The following HPSE2 variants were observed in gnomAD, a reference collection of about 807,000 sequenced individuals.
HPSE2 encodes the protein heparanase 2 (inactive).
HPSE2 carries 38 observed loss-of-function variants against 60.5 expected under a neutral mutation model. The ratio of observed to expected loss-of-function variants is 0.63; its 90% confidence interval spans 0.48 to 0.82. The LOEUF is 0.82. Ranked by LOEUF, HPSE2 falls within the 40% of genes least tolerant of loss-of-function variation. The probability of loss-of-function intolerance (pLI) is 0.00; values close to 1 mark genes in which losing one functional copy is unlikely to be tolerated. For missense variants in HPSE2, 713 were observed against 740.4 expected (o/e 0.96, Z 0.43); for synonymous variants, 295 against 293.2 (o/e 1.01, Z -0.06).
At chr10:98,738,700 A>G (rs1436061219) in intron 4 of HPSE2, among the ~76,000 whole-genome samples, 6 of 152,244 alleles carry the variant, frequency 3.9e-5, no homozygotes, top group Non-Finnish European at 8.8e-5. Context: ...ACATTTATGC[A>G]GCCAACAAAG....
chr10:99,064,561 C>T (rs1363999138), intron 3 of HPSE2, among the ~76,000 whole-genome samples: 1 of 151,324 alleles, frequency 6.6e-6, no homozygotes, highest in East Asian at 1.9e-4. Context: ...TAGTTATATG[C>T]AATCGCTGTC....
intron 3 of HPSE2, among the ~76,000 whole-genome samples, chr10:98,898,462 A>G (rs1953562110): frequency 6.6e-6 from 1 of 152,198 alleles, no homozygotes; most frequent in African/African-American, 2.4e-5. Flanking sequence ...AAGTAAAAGA[A>G]ACTAGTACAT....
Position 98,908,301 on chromosome 10 carries a change from T to C in HPSE2, c.611-164245A>G, listed in dbSNP as rs548098950. The stretch of plus-strand genomic sequence containing the variant: ...CCACATTTTGAAAAACAACTTGTCA[T>C]GATTACATCAAGAGCTTCAAAAATA... On this transcript the variant is annotated intron_variant, in intron 3 of 11. Coordinates refer to ENST00000370552, the MANE Select transcript of HPSE2 (RefSeq NM_021828.5). Among the ~76,000 whole-genome samples, 4 of 152,308 alleles carry C rather than the reference T, an allele frequency of 2.6e-5. No homozygotes were observed. In the East Asian group the frequency reaches 7.7e-4, roughly 29 times the overall value.
chr10:99,311,052 GATCT>G, the HPSE2 span, among the ~76,000 whole-genome samples: 1 of 151,996 alleles, frequency 6.6e-6, no homozygotes, highest in Admixed American at 6.6e-5. Flanking sequence ...TATATTTGGA[GATCT>G]ATCAATCATC....
At chr10:98,796,472 T>G (rs528981625) in intron 3 of HPSE2, among the ~76,000 whole-genome samples, 2 of 152,260 alleles carry the variant, frequency 1.3e-5, no homozygotes, top group East Asian at 3.9e-4. Flanking sequence ...GGGAAGGACT[T>G]TGTATTGTGG....
At chr10:98,572,954 G>A (rs967472921) in intron 9 of HPSE2, among the ~76,000 whole-genome samples, 4 of 152,172 alleles carry the variant, frequency 2.6e-5, no homozygotes, top group African/African-American at 2.4e-5. Context: ...GGGATTAATC[G>A]ACTATGGTTC....
At chr10:99,090,065 C>G (rs999580844) in intron 3 of HPSE2, among the ~76,000 whole-genome samples, 1 of 152,036 alleles carries the variant, frequency 6.6e-6, no homozygotes, top group African/African-American at 2.4e-5. Context: ...AGTCTAGGAG[C>G]TTTTTGGATG....
intron 10 of HPSE2, among the ~76,000 whole-genome samples, chr10:98,486,238 C>T (rs551566186): frequency 6.6e-6 from 1 of 152,230 alleles, no homozygotes; most frequent in South Asian, 2.1e-4. Flanking sequence ...AATCCAAATT[C>T]CTGAGGAACA....
intron 9 of HPSE2, among the ~76,000 whole-genome samples, chr10:98,520,200 A>C (rs553418988): frequency 1.2e-3 from 182 of 152,298 alleles, no homozygotes; most frequent in African/African-American, 4.2e-3. Flanking sequence ...CCAGAACTCC[A>C]CTGGGTTAGG....
chr10:98,630,022 C>T (rs1589535301), intron 7 of HPSE2, among the ~76,000 whole-genome samples: 1 of 151,982 alleles, frequency 6.6e-6, no homozygotes, highest in Admixed American at 6.6e-5. Context: ...TGAGAACCAC[C>T]GAACCACAGG....
At chr10:99,014,323 T>C (rs1212179549) in intron 3 of HPSE2, among the ~76,000 whole-genome samples, 1 of 152,240 alleles carries the variant, frequency 6.6e-6, no homozygotes, top group South Asian at 2.1e-4. Context: ...CCATGGTGTA[T>C]ATGTATGATG....
At chr10:98,493,670 G>A (rs1233191824) in intron 9 of HPSE2, among the ~76,000 whole-genome samples, 1 of 151,962 alleles carries the variant, frequency 6.6e-6, no homozygotes, top group African/African-American at 2.4e-5. Context: ...CAATCTGTTT[G>A]TGTTTTTGGG....
intron 3 of HPSE2, among the ~76,000 whole-genome samples, chr10:99,084,014 T>TC (rs1843235618): frequency 6.8e-6 from 1 of 147,242 alleles, no homozygotes; most frequent in Non-Finnish European, 1.5e-5. Context: ...CAGGGTTTTT[T>TC]CCCAAGAGTC....
At chr10:98,592,743 C>T (rs963989678) in intron 9 of HPSE2, among the ~76,000 whole-genome samples, 1 of 152,172 alleles carries the variant, frequency 6.6e-6, no homozygotes, top group African/African-American at 2.4e-5. Context: ...ATTTGGCAAG[C>T]TACCTCTCTT....
At chr10:99,156,715 A>G (rs1846580091) in intron 2 of HPSE2, among the ~76,000 whole-genome samples, 1 of 128,776 alleles carries the variant, frequency 7.8e-6, no homozygotes, top group African/African-American at 2.6e-5. Flanking sequence ...CTCTCTCACC[A>G]CTCCTATTCA....
rs1404797210 is a variant in HPSE2, at chr10:98,466,656, C to T, written c.1614-6917G>A. On this transcript the variant is annotated intron_variant, in intron 11 of 11. Coordinates refer to ENST00000370552, the MANE Select transcript of HPSE2 (RefSeq NM_021828.5). ...AAGAAAATCAGTTCTGCCTCACCCA[C>T]CTTCAGAACATTTGCCTTCTCTGAG... Among the ~76,000 whole-genome samples, 42 of 151,840 alleles carry T rather than the reference C, an allele frequency of 2.8e-4. 1 individual carries two copies. Among genetic ancestry groups the T allele is most frequent in the Admixed American group, 2.8e-3 (42 of 15,246 alleles).
intron 3 of HPSE2, among the ~76,000 whole-genome samples, chr10:99,103,532 C>T (rs557689598): frequency 2.0e-5 from 3 of 152,060 alleles, no homozygotes; most frequent in Non-Finnish European, 4.4e-5. Context: ...TAGGAAGAAT[C>T]GATATCGTGA....
At chr10:98,527,482 C>A (rs994518864) in intron 9 of HPSE2, among the ~76,000 whole-genome samples, 1 of 152,150 alleles carries the variant, frequency 6.6e-6, no homozygotes, top group Non-Finnish European at 1.5e-5. Flanking sequence ...AAGGCCCCTG[C>A]GCAAGACGGT....
chr10:98,510,550 C>A (rs1333515447), intron 9 of HPSE2, among the ~76,000 whole-genome samples: 1 of 152,200 alleles, frequency 6.6e-6, no homozygotes, highest in African/African-American at 2.4e-5. Context: ...GGTTTGTGAA[C>A]TGGACTGTCT....
Sources: allele counts gnomAD v4.1 joint callset (sites outside exome capture counted in the v4.1 genomes callset), GRCh38; gene constraint gnomAD v4.1.1; transcripts MANE v1.5; gene names NCBI Gene and HGNC (gene_info 2026-07-23, HGNC 2026-07-21).